Variants in DMD observed in about 807,000 individuals in gnomAD.
DMD encodes mutant dystrophin.
Under a neutral mutation model 330.1 loss-of-function variants are expected in DMD, and 63 were observed. The observed-to-expected ratio is 0.19, with a 90% CI of 0.16 to 0.24. The LOEUF (loss-of-function observed/expected upper bound fraction) is 0.24, where lower values mean the gene tolerates loss of function less well. Ranked by LOEUF, DMD falls within the 10% of genes least tolerant of loss-of-function variation. The pLI is 1.00. For missense variants in DMD, 3,344 were observed against 2,684.1 expected (o/e 1.25, Z -5.43); for synonymous variants, 1,223 against 959.8 (o/e 1.27, Z -5.07).
intron 11 of DMD, among the ~76,000 whole-genome samples, chrX:32,635,259 T>C (rs1241399438): frequency 9.0e-6 from 1 of 111,628 alleles, no homozygotes; most frequent in African/African-American, 3.3e-5. Context: ...TTGCCTTTAC[T>C]ACCCTCTTCT....
At chrX:32,084,524 A>G (rs2096416700) in intron 44 of DMD, among the ~76,000 whole-genome samples, 1 of 111,897 alleles carries the variant, frequency 8.9e-6, no homozygotes, top group Non-Finnish European at 1.9e-5. Flanking sequence ...CAAATGACCA[A>G]GGCCTATTTT....
intron 55 of DMD, among the ~76,000 whole-genome samples, chrX:31,603,029 A>G (rs1338634936): frequency 9.0e-6 from 1 of 111,621 alleles, no homozygotes; most frequent in Non-Finnish European, 1.9e-5. Flanking sequence ...AACAAATGTG[A>G]CAAGAGGAGA....
chrX:33,183,118 T>C (rs2050079735), intron 1 of DMD, among the ~76,000 whole-genome samples: 1 of 112,006 alleles, frequency 8.9e-6, no homozygotes, highest in Non-Finnish European at 1.9e-5. Context: ...CTATTTTAAA[T>C]CTTTTAAATT....
At chrX:32,537,863 C>T in intron 17 of DMD, among the ~76,000 whole-genome samples, 1 of 112,205 alleles carries the variant, frequency 8.9e-6, no homozygotes, top group Middle Eastern at 4.6e-3. Context: ...TCTTTTACGC[C>T]TTGCATTCTG....
chrX:33,002,999 T>G (rs2093321569), intron 2 of DMD, among the ~76,000 whole-genome samples: 1 of 110,626 alleles, frequency 9.0e-6, no homozygotes, highest in South Asian at 3.9e-4. Context: ...TTTTAAATTT[T>G]TTTATTTTAA....
At chrX:33,268,657 T>C (rs1180883122) in intron 1 of DMD, among the ~76,000 whole-genome samples, 3 of 111,909 alleles carry the variant, frequency 2.7e-5, no homozygotes, top group Non-Finnish European at 5.6e-5. Flanking sequence ...CTGAGTGCAG[T>C]GGCTTGCGCC....
intron 47 of DMD, among the ~76,000 whole-genome samples, chrX:31,906,235 C>T (rs1337249800): frequency 8.9e-6 from 1 of 111,868 alleles, no homozygotes; most frequent in Admixed American, 9.5e-5. Context: ...TTGTAAGTTT[C>T]CTGAGGCCTC....
intron 54 of DMD, 139 bp from the exon 55 acceptor site, chrX:31,628,001 T>G (rs2078938399): frequency 3.4e-6 from 2 of 587,085 alleles, no homozygotes; most frequent in Admixed American, 5.4e-5. Context: ...AGCTCTTCCT[T>G]TAAGCAACAA....
chrX:32,813,007 G>GA (rs1182860438), intron 6 of DMD, among the ~76,000 whole-genome samples: 115 of 110,636 alleles, frequency 1.0e-3, no homozygotes, highest in African/African-American at 3.7e-3. Flanking sequence ...AGTATGATGA[G>GA]AAAAAAGAGC....
intron 67 of DMD, among the ~76,000 whole-genome samples, chrX:31,188,727 T>C (rs915360114): frequency 1.8e-5 from 2 of 112,004 alleles, no homozygotes; most frequent in African/African-American, 6.5e-5. Context: ...TGGAATTATG[T>C]TGGGTTTCTC....
At chrX:33,311,672 G>A (rs948856609) in intron 1 of DMD, among the ~76,000 whole-genome samples, 1 of 109,931 alleles carries the variant, frequency 9.1e-6, no homozygotes, top group Non-Finnish European at 1.9e-5. Flanking sequence ...AGAAAATAGA[G>A]GTAAAGGGCT....
At chrX:32,838,500 G>A (rs1427882944) in intron 4 of DMD, among the ~76,000 whole-genome samples, 2 of 111,045 alleles carry the variant, frequency 1.8e-5, no homozygotes, top group South Asian at 3.8e-4. Flanking sequence ...TGCGGTGTTT[G>A]GTTTTCTGTT....
Position 32,824,409 on chromosome X carries a change from T to G in DMD, c.265-1022A>C, listed in dbSNP as rs1297048553. On this transcript the variant is annotated intron_variant, in intron 4 of 78. Coordinates refer to ENST00000357033, the MANE Select transcript of DMD (RefSeq NM_004006.3). The stretch of plus-strand genomic sequence containing the variant: ...GTACAGCCACACCATGGAATAACAC[T>G]CATCAATGAAAAGAACAAACTATTG... Among the ~76,000 whole-genome samples the G allele has an allele frequency of 1.8e-4, 20 of 111,925 alleles. No homozygotes were observed. The Admixed American group carries it at 1.9e-3, about 11-fold the overall frequency.
At chrX:33,060,594 A>G (rs900791218) in intron 1 of DMD, among the ~76,000 whole-genome samples, 1 of 111,510 alleles carries the variant, frequency 9.0e-6, no homozygotes, top group African/African-American at 3.3e-5. Flanking sequence ...GCACTTTAGG[A>G]GGCAGAGGCA....
At chrX:31,133,435 A>G (rs766245068) in intron 77 of DMD, among the ~76,000 whole-genome samples, 40 of 112,124 alleles carry the variant, frequency 3.6e-4, no homozygotes, top group African/African-American at 1.3e-3. Flanking sequence ...AAGCTCATGC[A>G]AGCCAGTGGG....
chrX:33,009,708 A>G (rs2093596757), intron 2 of DMD, among the ~76,000 whole-genome samples: 1 of 65,574 alleles, frequency 1.5e-5, no homozygotes, highest in Non-Finnish European at 3.0e-5. Flanking sequence ...GTGTATACGT[A>G]TATGTGTATA....
intron 17 of DMD, among the ~76,000 whole-genome samples, chrX:32,519,300 C>T (rs1164771869): frequency 1.0e-5 from 1 of 95,720 alleles, no homozygotes; most frequent in Non-Finnish European, 2.1e-5. Flanking sequence ...CTAAAAGAAA[C>T]AGAAGACAAT....
intron 37 of DMD, among the ~76,000 whole-genome samples, chrX:32,354,295 C>CT (rs1043649066): frequency 1.8e-5 from 2 of 111,465 alleles, no homozygotes; most frequent in Non-Finnish European, 3.8e-5. Context: ...CATCAGTCTC[C>CT]TTTTTCCATT....
rs1290485771 is a variant in DMD, at chrX:33,293,110, AT to A, written c.7+46148del. On this transcript the variant is annotated intron_variant, in intron 1 of 17. Transcript: ENST00000288447. ...TTATGTGATTATCCCTCAAAATCAT[AT>A]TCTTTAAATATTTGATTTTTATCTT... Among the ~76,000 whole-genome samples, 3 of 111,391 alleles carry A rather than the reference AT, an allele frequency of 2.7e-5. No homozygotes were observed. The Admixed American group carries it at 2.9e-4, about 11-fold the overall frequency.
Sources: gnomAD v4.1 joint callset for allele counts (sites outside exome capture counted in the v4.1 genomes callset) on GRCh38, gnomAD v4.1.1 for gene constraint, MANE v1.5 for transcripts, NCBI Gene and HGNC (gene_info 2026-07-23, HGNC 2026-07-21) for gene names.